The following SLC9C1 variants were observed in gnomAD, a reference collection of about 807,000 sequenced individuals.
SLC9C1 encodes solute carrier family 9 member C1, also known as sodium/hydrogen exchanger 10.
SLC9C1 carries 97 observed loss-of-function variants against 140.9 expected under a neutral mutation model. That is an observed-to-expected ratio of 0.69 (90% CI 0.58 to 0.82). The LOEUF (loss-of-function observed/expected upper bound fraction) is 0.82, where lower values mean the gene tolerates loss of function less well. Among genes scored for constraint, SLC9C1 ranks in the 40% least tolerant of loss-of-function variants. The pLI is 0.00. For synonymous variants in SLC9C1, 440 were observed against 442.6 expected (o/e 0.99, Z 0.07); for missense variants, 1,340 against 1,389.3 (o/e 0.96, Z 0.56).
At chr3:112,267,557 C>T (rs964461568) in intron 7 of SLC9C1, among the ~76,000 whole-genome samples, 12 of 99,958 alleles carry the variant, frequency 1.2e-4, no homozygotes, top group Admixed American at 1.0e-3. Flanking sequence ...GCCTGGGTGA[C>T]AGAGCAAGAC....
intron 26 of SLC9C1, among the ~76,000 whole-genome samples, chr3:112,164,528 A>T (rs1360693020): frequency 6.8e-6 from 1 of 147,864 alleles, no homozygotes; most frequent in Non-Finnish European, 1.5e-5. Context: ...TCCTTCACTT[A>T]TGAAGCTTAG....
chr3:112,182,212 A>T lies in SLC9C1; in HGVS notation c.2570T>A (p.Ile857Asn), dbSNP rs2077452059. The change falls in exon 21 of 29, where the codon ATC becomes AAC. Residue 857 changes from isoleucine to asparagine, a missense_variant. Ile to Asn is a moderately radical substitution (Grantham distance 149, BLOSUM62 -3). Coordinates refer to ENST00000305815, the MANE Select transcript of SLC9C1 (RefSeq NM_183061.3). ...AACTTCTTCAACAGTAAGAGGCCTG[A>T]TAATAGATTGAGAATCAAGCACCTC... ...KKEVLDSQSI[I>N]RPLTVEEVLY... The T allele has an allele frequency of 6.2e-7, 1 of 1,607,330 alleles. No individual in the cohort carries two copies. Among genetic ancestry groups the T allele is most frequent in the South Asian group, 1.1e-5 (1 of 89,180 alleles).
chr3:112,273,272 T>A (rs550944652), intron 6 of SLC9C1, among the ~76,000 whole-genome samples: 3 of 152,190 alleles, frequency 2.0e-5, no homozygotes, highest in Admixed American at 2.0e-4. Context: ...CCATATTGTG[T>A]CACCTCCCTT....
intron 20 of SLC9C1, among the ~76,000 whole-genome samples, chr3:112,185,264 TAATC>T (rs1222190360): frequency 1.3e-5 from 2 of 150,332 alleles, no homozygotes; most frequent in Non-Finnish European, 3.0e-5. Flanking sequence ...GGATAAAACA[TAATC>T]ATATCACAGG....
chr3:112,199,245 G>A, intron 20 of SLC9C1, 76 bp downstream of exon 20: 2 of 1,229,498 alleles, frequency 1.6e-6, no homozygotes, highest in Non-Finnish European at 2.2e-6. Flanking sequence ...TGTATTAGAA[G>A]TCAAATGTAG....
chr3:112,233,114 G>T (rs2078878448), intron 12 of SLC9C1, among the ~76,000 whole-genome samples: 1 of 148,322 alleles, frequency 6.7e-6, no homozygotes, highest in African/African-American at 2.5e-5. Context: ...TGCTGCCCAG[G>T]CTGGAGTGCA....
At chr3:112,170,194 A>G (rs928731685) in intron 23 of SLC9C1, among the ~76,000 whole-genome samples, 1 of 152,180 alleles carries the variant, frequency 6.6e-6, no homozygotes, top group African/African-American at 2.4e-5. Flanking sequence ...ATAAATAATC[A>G]AGTGAACAGG....
chr3:112,254,504 C>T (rs1391915982), intron 10 of SLC9C1, among the ~76,000 whole-genome samples: 1 of 39,792 alleles, frequency 2.5e-5, no homozygotes, highest in Non-Finnish European at 4.7e-5. Context: ...CCTAAGTGAA[C>T]ATGAAATAAA....
chr3:112,202,950 TTCTA>T (rs1193291274), intron 17 of SLC9C1, among the ~76,000 whole-genome samples: 2 of 151,962 alleles, frequency 1.3e-5, no homozygotes, highest in Non-Finnish European at 2.9e-5. Context: ...CCCTTTGTTT[TTCTA>T]TCTATGTTCC....
intron 10 of SLC9C1, among the ~76,000 whole-genome samples, chr3:112,245,766 T>C (rs1169778817): frequency 6.6e-6 from 1 of 152,170 alleles, no homozygotes; most frequent in East Asian, 1.9e-4. Flanking sequence ...GGGATTGGAA[T>C]TGCAATGAGT....
intron 16 of SLC9C1, among the ~76,000 whole-genome samples, chr3:112,206,859 G>A (rs1412069458): frequency 1.6e-5 from 1 of 63,006 alleles, no homozygotes; most frequent in Non-Finnish European, 3.5e-5. Flanking sequence ...CGGGGGCTGG[G>A]GGGAGGGATA....
intron 28 of SLC9C1, among the ~76,000 whole-genome samples, chr3:112,147,302 G>A (rs1484038319): frequency 1.3e-5 from 2 of 152,126 alleles, no homozygotes; most frequent in Non-Finnish European, 2.9e-5. Context: ...GATTCATATT[G>A]ATATGTAATT....
At position 112,141,430 on chromosome 3, in the gene SLC9C1, T is replaced by C. The variant is rs952914961; in HGVS notation, c.3525-149A>G. ...TTTTTGTTAAGGCCAAGGAAGGAAA[T>C]TGAGCAAGTGAGTGTGAATCCCTTG... On this transcript the variant is annotated intron_variant, in intron 28 of 28. Transcript: ENST00000305815. The C allele has an allele frequency of 2.3e-5, 15 of 645,492 alleles. No homozygotes were observed. The African/African-American group carries it at 2.8e-4, about 12-fold the overall frequency. 40.0% of individuals were successfully genotyped at this position (645,492 alleles called of 1,614,324 possible). A position where few individuals can be genotyped will look rare whatever the true frequency, so the allele number is the denominator to read the frequency against.
At chr3:112,167,405 T>C in intron 25 of SLC9C1, 58 bp from the exon 26 acceptor site, 1 of 1,500,170 alleles carries the variant, frequency 6.7e-7, no homozygotes, top group Non-Finnish European at 8.9e-7. Flanking sequence ...ATTAAAAATT[T>C]ACCTAGTAAG....
Position 112,185,873 on chromosome 3 carries a change from G to A in SLC9C1, c.2524-3615C>T, listed in dbSNP as rs376859201. 481 of 1,588,922 alleles carry A rather than the reference G, an allele frequency of 3.0e-4. 1 individual carries two copies. The African/African-American group carries it at 5.3e-3, about 18-fold the overall frequency. ...GGACTGCGCGGCACAGCTCCCACTC[G>A]CCAGGCGGCAGGGGGCTCTCAGCCA... On this transcript the variant is annotated intron_variant, in intron 20 of 28. Transcript: ENST00000305815.
At chr3:112,209,517 A>AG (rs2078144570) in intron 15 of SLC9C1, among the ~76,000 whole-genome samples, 1 of 151,858 alleles carries the variant, frequency 6.6e-6, no homozygotes, top group African/African-American at 2.4e-5. Context: ...AATCTAAGAA[A>AG]AAAAAGAAAT....
Position 112,182,213 on chromosome 3 carries a change from T to A in SLC9C1, c.2569A>T (p.Ile857Phe). 4 of 1,607,366 alleles carry A rather than the reference T, an allele frequency of 2.5e-6. No individual in the cohort carries two copies. The highest frequency in any genetic ancestry group is 3.4e-6 in the Non-Finnish European group (4 of 1,177,030). Residue 857 changes from isoleucine to phenylalanine, a missense_variant, in exon 21 of 29, where the codon ATC becomes TTC. By Grantham distance (21) the Ile-to-Phe change is conservative. Coordinates refer to ENST00000305815, the MANE Select transcript of SLC9C1 (RefSeq NM_183061.3). ...ACTTCTTCAACAGTAAGAGGCCTGATAATAGATTGAGAATCAAGCACCTCT... is the reference window on the plus strand; with the variant it reads ...ACTTCTTCAACAGTAAGAGGCCTGAAAATAGATTGAGAATCAAGCACCTCT... ...KKEVLDSQSI[I>F]RPLTVEEVLY...
At chr3:112,185,939 C>T in intron 20 of SLC9C1, 1 of 1,565,526 alleles carries the variant, frequency 6.4e-7, no homozygotes, top group Non-Finnish European at 8.6e-7. Context: ...CAGGCGGCAG[C>T]AGTAGCTTGG....
chr3:112,274,182 A>G (rs988347669), intron 6 of SLC9C1, among the ~76,000 whole-genome samples: 1 of 152,140 alleles, frequency 6.6e-6, no homozygotes, highest in Non-Finnish European at 1.5e-5. Flanking sequence ...TAGGAGGAAG[A>G]TACAGGGTTT....
Sources: gnomAD v4.1 joint callset for allele counts (sites outside exome capture counted in the v4.1 genomes callset) on GRCh38, gnomAD v4.1.1 for gene constraint, MANE v1.5 for transcripts, NCBI Gene and HGNC (gene_info 2026-07-23, HGNC 2026-07-21) for gene names.